DNAJB6: variants seen among roughly 807,000 people sequenced by gnomAD.
DNAJB6 encodes dnaJ homolog subfamily B member 6.
Under a neutral mutation model 42.7 loss-of-function variants are expected in DNAJB6, and 16 were observed. That is an observed-to-expected ratio of 0.37 (90% confidence interval 0.25 to 0.57). DNAJB6 has a LOEUF of 0.57. DNAJB6 is among the 20% of genes least tolerant of loss of function. DNAJB6 has a pLI of 0.74. For missense variants in DNAJB6, 347 were observed against 416.8 expected (o/e 0.83, Z 1.46); for synonymous variants, 170 against 163.5 (o/e 1.04, Z -0.30).
chr7:157,377,699 C>G (rs1342999245), intron 5 of DNAJB6, among the ~76,000 whole-genome samples: 3 of 152,180 alleles, frequency 2.0e-5, no homozygotes, highest in African/African-American at 4.8e-5. Flanking sequence ...GTCTCCTGAT[C>G]CAAATGCTAA....
chr7:157,371,285 G>A (rs1001981052), intron 5 of DNAJB6, among the ~76,000 whole-genome samples: 4 of 152,330 alleles, frequency 2.6e-5, no homozygotes, highest in East Asian at 1.9e-4. Context: ...TCCACGTGAC[G>A]AAAAAGTAGT....
chr7:157,340,034 A>G (rs1172031383), intron 1 of DNAJB6: 1 of 152,222 alleles, frequency 6.6e-6, no homozygotes, highest in African/African-American at 2.4e-5. Flanking sequence ...CCGCACAGAC[A>G]CCTTACTGTC....
intron 1 of DNAJB6, among the ~76,000 whole-genome samples, chr7:157,343,409 C>A (rs1798519937): frequency 6.6e-6 from 1 of 152,118 alleles, no homozygotes; most frequent in South Asian, 2.1e-4. Context: ...CGTGCCTCGG[C>A]CCTCCAAAGT....
At chr7:157,408,900 C>T (rs1230482796) in intron 8 of DNAJB6, among the ~76,000 whole-genome samples, 1 of 152,188 alleles carries the variant, frequency 6.6e-6, no homozygotes, top group Non-Finnish European at 1.5e-5. Context: ...GCGCAGGGCT[C>T]GGGGCCCGAA....
At chr7:157,350,223 G>A in intron 1 of DNAJB6, among the ~76,000 whole-genome samples, 1 of 152,166 alleles carries the variant, frequency 6.6e-6, no homozygotes, top group East Asian at 1.9e-4. Context: ...GGGGCACTAA[G>A]ACATTACGAC....
chr7:157,416,126 C>A lies in DNAJB6; in HGVS notation c.*28C>A, dbSNP rs377063562. ...CGGACTTGAGGCACGCGGTGCACCC[C>A]CAGACGCTGGCGCTCCACCGTGCTC... On this transcript the variant is annotated 3_prime_UTR_variant, in exon 10 of 10. Coordinates refer to ENST00000262177, the MANE Select transcript of DNAJB6 (RefSeq NM_058246.4). The A allele has an allele frequency of 6.2e-7, 1 of 1,606,252 alleles. No homozygotes were observed. Among genetic ancestry groups the A allele is most frequent in the African/African-American group, 1.3e-5 (1 of 74,710 alleles).
intron 5 of DNAJB6, among the ~76,000 whole-genome samples, chr7:157,375,817 T>TC (rs1800442981): frequency 6.6e-6 from 1 of 152,254 alleles, no homozygotes; most frequent in Non-Finnish European, 1.5e-5. Context: ...CTTTTGAATC[T>TC]CAAGCGTTTC....
intron 7 of DNAJB6, 79 bp from the exon 8 acceptor site, chr7:157,385,462 T>G: frequency 6.9e-7 from 1 of 1,455,302 alleles, no homozygotes; most frequent in Non-Finnish European, 9.4e-7. Context: ...ATTTCAGTAA[T>G]GTCCTTAAAC....
intron 7 of DNAJB6, among the ~76,000 whole-genome samples, 199 bp from the exon 8 acceptor site, chr7:157,385,342 C>A (rs891700693): frequency 1.3e-5 from 2 of 152,168 alleles, no homozygotes; most frequent in Admixed American, 1.3e-4. Context: ...GTATTTGAGA[C>A]ACAATTTATT....
chr7:157,389,778 A>G (rs1801252078), intron 8 of DNAJB6, among the ~76,000 whole-genome samples: 1 of 152,204 alleles, frequency 6.6e-6, no homozygotes, highest in African/African-American at 2.4e-5. Context: ...TGATTTCCAG[A>G]GACAGCAGAG....
At chr7:157,396,225 A>G (rs996703499) in intron 8 of DNAJB6, among the ~76,000 whole-genome samples, 1 of 152,192 alleles carries the variant, frequency 6.6e-6, no homozygotes, top group Non-Finnish European at 1.5e-5. Context: ...CTGGGATTAC[A>G]TGCGTGAGCC....
At chr7:157,396,342 G>A (rs541771314) in intron 8 of DNAJB6, among the ~76,000 whole-genome samples, 11 of 152,338 alleles carry the variant, frequency 7.2e-5, no homozygotes, top group Admixed American at 3.9e-4. Context: ...GTCTCAGGGC[G>A]ACGTGTTTCT....
intron 5 of DNAJB6, among the ~76,000 whole-genome samples, chr7:157,375,416 CTTCGAT>C (rs1800422093): frequency 6.6e-6 from 1 of 152,176 alleles, no homozygotes; most frequent in South Asian, 2.1e-4. Flanking sequence ...GATTCTTTGA[CTTCGAT>C]AGATTTTTGT....
intron 1 of DNAJB6, among the ~76,000 whole-genome samples, chr7:157,339,541 C>G (rs534469642): frequency 1.3e-4 from 20 of 151,884 alleles, no homozygotes; most frequent in East Asian, 3.9e-4. Context: ...ACCTCGTGAT[C>G]CGCCTCCTCG....
intron 8 of DNAJB6, among the ~76,000 whole-genome samples, chr7:157,404,883 C>T (rs1376134133): frequency 6.6e-6 from 1 of 151,976 alleles, no homozygotes; most frequent in Non-Finnish European, 1.5e-5. Flanking sequence ...AAGTGATCCT[C>T]CTGCCTCAGC....
chr7:157,405,637 G>A (rs1017842478), intron 8 of DNAJB6, among the ~76,000 whole-genome samples: 2 of 152,206 alleles, frequency 1.3e-5, no homozygotes, highest in Non-Finnish European at 2.9e-5. Flanking sequence ...ATGGCGTGGA[G>A]CTCACCGTAC....
Position 157,409,863 on chromosome 7 carries a change from C to T in DNAJB6, c.760C>T (p.Pro254Ser). 2.6e-6 allele frequency: 4 copies of T among 1,533,444 alleles called. No homozygotes were observed. The highest frequency in any genetic ancestry group is 3.5e-6 in the Non-Finnish European group (4 of 1,145,690). 95.0% of individuals were successfully genotyped at this position (1,533,444 alleles called of 1,614,324 possible). ...AGGCCAGAACGCCCTGCCAGCCCAG[C>T]CTGCCGGCCTCCGCCCGCCGAAGCC... ...RRGQNALPAQ[P>S]AGLRPPKPPR... The change falls in exon 9 of 10, where the codon CCT (proline) becomes TCT (serine). Residue 254 changes from proline (P) to serine (S), a missense_variant. Physicochemically the swap from Pro to Ser is moderately conservative, Grantham distance 74 (BLOSUM62 -1). This residue lies in a region of DNAJB6 where 264 missense variants were observed against 288.0 expected (regional missense o/e 0.92). Coordinates refer to ENST00000262177, the MANE Select transcript of DNAJB6 (RefSeq NM_058246.4).
chr7:157,416,239 G>T lies in DNAJB6; in HGVS notation c.*141G>T. 1 of 1,365,696 alleles carries T rather than the reference G, an allele frequency of 7.3e-7. No individual in the cohort carries two copies. 84.6% of individuals were successfully genotyped at this position (1,365,696 alleles called of 1,614,324 possible). ...TCGCTCGGCAGGATTATGCGATCAC[G>T]GATCAGTCAGAGCAGGGTCAGGAGA... On this transcript the variant is annotated 3_prime_UTR_variant, in exon 10 of 10. Coordinates refer to ENST00000262177, the MANE Select transcript of DNAJB6 (RefSeq NM_058246.4).
intron 1 of DNAJB6, among the ~76,000 whole-genome samples, chr7:157,343,201 C>T (rs1798508122): frequency 2.7e-5 from 4 of 150,938 alleles, no homozygotes; most frequent in Admixed American, 2.6e-4. Flanking sequence ...TGCTCTGTTG[C>T]TCAGGCAGGA....
Sources: gnomAD v4.1 joint callset for allele counts (sites outside exome capture counted in the v4.1 genomes callset) on GRCh38, gnomAD v4.1.1 for gene constraint, gnomAD v4.1.1 regional missense constraint, MANE v1.5 for transcripts, NCBI Gene and HGNC (gene_info 2026-07-23, HGNC 2026-07-21) for gene names.